APOM: variants seen among roughly 807,000 people sequenced by gnomAD.
The protein encoded by APOM is apolipoprotein M, also known as NG20-like protein.
Under a neutral mutation model 23.5 loss-of-function variants are expected in APOM, and 24 were observed. That is an observed-to-expected ratio of 1.02 (90% CI 0.74 to 1.44). The LOEUF is 1.44. Ranked by LOEUF, APOM falls within the 40% of genes most tolerant of loss-of-function variation. The probability of loss-of-function intolerance (pLI) is 0.00; values close to 1 mark genes in which losing one functional copy is unlikely to be tolerated. For missense variants in APOM, 200 were observed against 233.2 expected, an observed-to-expected ratio of 0.86 and a Z score of 0.93; for synonymous variants, 82 against 84.1, an observed-to-expected ratio of 0.97 and a Z score of 0.14.
chr6:31,654,611 C>T (rs1431099472), upstream of APOM, among the ~76,000 whole-genome samples: 2 of 152,104 alleles, frequency 1.3e-5, no homozygotes, highest in Non-Finnish European at 2.9e-5. Flanking sequence ...CATGCCTGGG[C>T]GACAGAGTGA....
chr6:31,653,301 G>T (rs1375231042), upstream of APOM, among the ~76,000 whole-genome samples: 1 of 152,190 alleles, frequency 6.6e-6, no homozygotes, highest in African/African-American at 2.4e-5. Context: ...CCGAAGGCCG[G>T]GGGTGGAGGC....
Position 31,657,298 on chromosome 6 carries a change from G to T in APOM, c.343G>T (p.Gly115Cys), listed in dbSNP as rs1054228230. ...AGGGAGCACAGATCTCAGAACTGAA[G>T]GTTGGTTCTTCCCAGCCCTCACCCT... ...TEGSTDLRTE[G>C]RPDMKTELFS... Residue 115 changes from glycine (G) to cysteine (C), a missense_variant and splice_region_variant, in exon 3 of 6, where the codon GGC becomes TGC. Transcript: ENST00000375916. The T allele has an allele frequency of 5.6e-6, 9 of 1,612,958 alleles. No homozygotes were observed. The African/African-American group carries it at 1.2e-4, about 22-fold the overall frequency.
upstream of APOM, among the ~76,000 whole-genome samples, chr6:31,654,153 A>G (rs1250966192): frequency 6.6e-6 from 1 of 150,752 alleles, no homozygotes; most frequent in East Asian, 2.0e-4. Flanking sequence ...GCTGAGGCAG[A>G]GAATTGCTTT....
Position 31,657,725 on chromosome 6 carries a change from T to A in APOM, c.541+2T>A. 6.2e-7 allele frequency: 1 copy of A among 1,609,044 alleles called. No homozygotes were observed. The highest frequency in any genetic ancestry group is 8.5e-7 in the Non-Finnish European group (1 of 1,176,042). ...TCTTATTGACTCCTAGGAATCAAGG[T>A]AAGGGGTTAAAATCTCATAAAACAG... On this transcript the variant is annotated splice_donor_variant, in intron 5 of 5. Coordinates refer to ENST00000375916, the MANE Select transcript of APOM (RefSeq NM_019101.3). LOFTEE classifies it high-confidence loss of function.
chr6:31,657,197 T>C (rs764354826), intron 2 of APOM, 28 bp from the exon 3 acceptor site: 4 of 1,609,024 alleles, frequency 2.5e-6, no homozygotes, highest in South Asian at 2.2e-5. Context: ...TGCTCATTCT[T>C]TCCTCCTTGC....
In APOM at chr6:31,656,036, C is replaced by G. The variant is rs748212498; in HGVS notation, c.70C>G (p.Pro24Ala). The G allele has an allele frequency of 9.4e-6, 15 of 1,589,658 alleles. 1 individual carries two copies. The South Asian group carries it at 1.7e-4, about 18-fold the overall frequency. The change falls in exon 1 of 6, where the codon CCT (proline) becomes GCT (alanine). Residue 24 changes from proline to alanine, a missense_variant. Physicochemically the swap from Pro to Ala is conservative, Grantham distance 27. Coordinates refer to ENST00000375916, the MANE Select transcript of APOM (RefSeq NM_019101.3). ...TATCCTTAACTCCATCTACCAGTGCCCTGAGCACAGTCAACTGACAACTCT... is the reference window on the plus strand; with the variant it reads ...TATCCTTAACTCCATCTACCAGTGCGCTGAGCACAGTCAACTGACAACTCT... ...GIILNSIYQC[P>A]EHSQLTTLGV...
upstream of APOM, among the ~76,000 whole-genome samples, chr6:31,654,201 C>T (rs6921907): frequency 4.2e-3 from 629 of 148,278 alleles, 5 homozygotes; most frequent in Non-Finnish European, 6.6e-3. Flanking sequence ...GCCAAGATCG[C>T]GCCACTGCAC....
At chr6:31,657,093 C>A in intron 2 of APOM, 132 bp from the exon 3 acceptor site, 1 of 809,586 alleles carries the variant, frequency 1.2e-6, no homozygotes, top group Non-Finnish European at 2.0e-6. Flanking sequence ...TTGCAGTGAG[C>A]CGAGATGGCG....
chr6:31,658,005 A>C, intron 5 of APOM, 59 bp from the exon 6 acceptor site: 1 of 1,577,946 alleles, frequency 6.3e-7, no homozygotes, highest in South Asian at 1.1e-5. Context: ...ATTACTATCA[A>C]CTTTGCTTTT....
upstream of APOM, chr6:31,655,846 C>A: frequency 1.5e-6 from 1 of 647,340 alleles, no homozygotes; most frequent in Non-Finnish European, 2.8e-6. Context: ...TGAAGTTACT[C>A]ATTAGCAGGT....
chr6:31,658,047 C>G lies in APOM; in HGVS notation c.542-17C>G, dbSNP rs1319286852. Reference sequence around the variant, plus strand: ...GGACTTCCCTTCTGTCCTTCTTTTTCCCTCCCCCCATCACAGAGGCCTGTG... The same window carrying G: ...GGACTTCCCTTCTGTCCTTCTTTTTGCCTCCCCCCATCACAGAGGCCTGTG... On this transcript the variant is annotated splice_polypyrimidine_tract_variant and intron_variant, in intron 5 of 5. Coordinates refer to ENST00000375916, the MANE Select transcript of APOM (RefSeq NM_019101.3). The G allele has an allele frequency of 4.3e-6, 7 of 1,613,898 alleles. No individual in the cohort carries two copies. In the African/African-American group the frequency reaches 8.0e-5, roughly 18 times the overall value.
Position 31,657,722 on chromosome 6 carries a change from A to G in APOM, c.540A>G (p.Gln180=), listed in dbSNP as rs776971563. Residue 180 remains glutamine (Q), a splice_region_variant and synonymous_variant, in exon 5 of 6, where the codon CAA becomes CAG. Transcript: ENST00000375916. ...SKAFLLTPRN[Q]EACELSNN ...CCTTCTTATTGACTCCTAGGAATCA[A>G]GGTAAGGGGTTAAAATCTCATAAAA... The G allele has an allele frequency of 6.2e-7, 1 of 1,610,348 alleles. No individual in the cohort carries two copies. The highest frequency in any genetic ancestry group is 1.1e-5 in the South Asian group (1 of 91,016).
At position 31,657,076 on chromosome 6, in the gene APOM, G is replaced by A. The variant is rs932788914; in HGVS notation, c.270-149G>A. The stretch of plus-strand genomic sequence containing the variant: ...CAGGAGAATGGCGTGAACCCGGGAG[G>A]CAGAGCTTGCAGTGAGCCGAGATGG... On this transcript the variant is annotated intron_variant, in intron 2 of 5. Transcript: ENST00000375916. 41 of 708,080 alleles carry A rather than the reference G, an allele frequency of 5.8e-5. No homozygotes were observed. The African/African-American group carries it at 7.0e-4, about 12-fold the overall frequency. The allele number at this position is 708,080 out of a possible 1,614,324, so 43.9% of individuals were successfully genotyped here. A position where few individuals can be genotyped will look rare whatever the true frequency, so the allele number is the denominator to read the frequency against.
Position 31,656,562 on chromosome 6 carries a change from A to G in APOM, c.205A>G (p.Ile69Val). The change falls in exon 2 of 6, where the codon ATT becomes GTT. Residue 69 changes from isoleucine (I) to valine (V), a missense_variant. Transcript: ENST00000375916. ...GGCAACTTTTGACCCTGTGGACAAC[A>G]TTGTCTTCAATATGGCTGCTGGCTC... ...ELATFDPVDN[I>V]VFNMAAGSAP... is the part of the protein sequence containing the mutation. The G allele has an allele frequency of 1.9e-6, 3 of 1,614,094 alleles. No homozygotes were observed. Among genetic ancestry groups the G allele is most frequent in the Non-Finnish European group, 2.5e-6 (3 of 1,180,014 alleles).
intron 2 of APOM, 26 bp from the exon 3 acceptor site, chr6:31,657,199 C>T (rs751683577): frequency 6.2e-7 from 1 of 1,608,116 alleles, no homozygotes; most frequent in Non-Finnish European, 8.5e-7. Flanking sequence ...CTCATTCTTT[C>T]CTCCTTGCCA....
upstream of APOM, chr6:31,655,570 T>C (rs1447191117): frequency 5.7e-5 from 9 of 157,670 alleles, no homozygotes; most frequent in South Asian, 4.0e-4. Context: ...GGGAAACAAC[T>C]GGGACTTGGG....
rs1412006715 is a variant in APOM at position 31,657,213 on chromosome 6, C to A, written c.270-12C>A. On this transcript the variant is annotated splice_polypyrimidine_tract_variant and intron_variant, in intron 2 of 5. Transcript: ENST00000375916. ...GCTCATTCTTTCCTCCTTGCCACCACCACCTCTGCAGGAAAGATGGGCTCT... is the reference window on the plus strand; with the variant it reads ...GCTCATTCTTTCCTCCTTGCCACCAACACCTCTGCAGGAAAGATGGGCTCT... 6.2e-7 allele frequency: 1 copy of A among 1,612,576 alleles called. No individual in the cohort carries two copies. Among genetic ancestry groups the A allele is most frequent in the East Asian group, 2.2e-5 (1 of 44,884 alleles).
chr6:31,657,549 T>G, intron 4 of APOM, 71 bp downstream of exon 4: 1 of 1,601,284 alleles, frequency 6.2e-7, no homozygotes, highest in Non-Finnish European at 8.5e-7. Context: ...TCACTCTGGG[T>G]CCTATGACAC....
At position 31,658,160 on chromosome 6, in the gene APOM, T is replaced by TTCCAGC; in HGVS notation, c.*81_*86dup. On this transcript the variant is annotated 3_prime_UTR_variant, in exon 6 of 6. Coordinates refer to ENST00000375916, the MANE Select transcript of APOM (RefSeq NM_019101.3). Reference sequence around the variant, plus strand: ...GTTGTTGGAGGGAGAAGCTGGAGACTTCCAGCTCCAGCTCCCACTCAAGAT... The same window carrying TTCCAGC: ...GTTGTTGGAGGGAGAAGCTGGAGACTTCCAGCTCCAGCTCCAGCTCCCACTCAAGAT... The TTCCAGC allele has an allele frequency of 6.7e-7, 1 of 1,495,444 alleles. No individual in the cohort carries two copies. The highest frequency in any genetic ancestry group is 9.3e-7 in the Non-Finnish European group (1 of 1,072,624). 92.6% of individuals were successfully genotyped at this position (1,495,444 alleles called of 1,614,324 possible).
Sources: gnomAD v4.1 joint callset for allele counts (sites outside exome capture counted in the v4.1 genomes callset) on GRCh38, gnomAD v4.1.1 for gene constraint, MANE v1.5 for transcripts, NCBI Gene and HGNC (gene_info 2026-07-23, HGNC 2026-07-21) for gene names.